JAKMIP3: variants seen among roughly 807,000 people sequenced by gnomAD.
JAKMIP3 encodes the protein janus kinase and microtubule-interacting protein 3.
In JAKMIP3, 58 loss-of-function variants were observed where a neutral mutation model predicts 118.5. The ratio of observed to expected loss-of-function variants is 0.49; its 90% CI spans 0.40 to 0.61. The LOEUF (loss-of-function observed/expected upper bound fraction) is 0.61, where lower values mean the gene tolerates loss of function less well. JAKMIP3 is among the 20% of genes least tolerant of loss of function. JAKMIP3 has a pLI of 0.00. For synonymous variants in JAKMIP3, 486 were observed against 451.2 expected, an observed-to-expected ratio of 1.08 and a Z score of -0.98; for missense variants, 950 against 1,109.0, an observed-to-expected ratio of 0.86 and a Z score of 2.04.
intron 22 of JAKMIP3, 48 bp downstream of exon 22, chr10:132,167,103 C>T (rs757930869): frequency 1.3e-5 from 17 of 1,297,758 alleles, no homozygotes; most frequent in South Asian, 2.6e-5. Flanking sequence ...CTCTGCTTCC[C>T]GGAAGACTCC....
At chr10:132,116,460 A>AGT (rs1244297143) in intron 2 of JAKMIP3, among the ~76,000 whole-genome samples, 2 of 122,802 alleles carry the variant, frequency 1.6e-5, no homozygotes, top group Non-Finnish European at 3.3e-5. Flanking sequence ...TGCACATTCA[A>AGT]GTGTGTGTGT....
chr10:132,172,987 CTCTCTCTCCT>C, intron 23 of JAKMIP3, among the ~76,000 whole-genome samples: 1 of 81,740 alleles, frequency 1.2e-5, no homozygotes, highest in Non-Finnish European at 2.7e-5. Context: ...TTCCCTCTCT[CTCTCTCTCCT>C]TCCCTCTCTC....
Position 132,179,477 on chromosome 10 carries a change from C to A in JAKMIP3, c.*1104-2880C>A, listed in dbSNP as rs146190433. 6.6e-6 allele frequency among the ~76,000 whole-genome samples: 1 copy of A among 152,156 alleles called. No individual in the cohort carries two copies. The highest frequency in any genetic ancestry group is 1.5e-5 in the Non-Finnish European group (1 of 68,038). ...ATGAGGATTATCTGGGTTTCTCCCG[C>A]GGAACCCTTACTGTGGCACTGATAC... is the stretch of plus-strand genomic sequence containing the variant. On this transcript the variant is annotated intron_variant, in intron 23 of 23. Coordinates refer to ENST00000684848, the MANE Select transcript of JAKMIP3 (RefSeq NM_001323087.2). The surrounding 1 kb of genome is among the most constrained non-coding windows in gnomAD (Gnocchi z 4.3).
intron 13 of JAKMIP3, among the ~76,000 whole-genome samples, chr10:132,146,272 G>A (rs937898731): frequency 6.6e-6 from 1 of 152,086 alleles, no homozygotes; most frequent in South Asian, 2.1e-4. Flanking sequence ...AGGGAAGGGA[G>A]TGCAGGTTTC....
Position 132,142,155 on chromosome 10 carries a change from C to T in JAKMIP3, c.1602+107C>T, listed in dbSNP as rs949123831. ...TCACTAGCCCTCCTGGGCCCGGGCC[C>T]CTCCTCTCCTGCCCTTGCCTGCAGT... On this transcript the variant is annotated intron_variant, in intron 11 of 23. Coordinates refer to ENST00000684848, the MANE Select transcript of JAKMIP3 (RefSeq NM_001323087.2). The T allele has an allele frequency of 8.9e-6, 11 of 1,230,932 alleles. No homozygotes were observed. The Admixed American group carries it at 2.1e-4, about 24-fold the overall frequency. The allele number at this position is 1,230,932 out of a possible 1,614,324, so 76.3% of individuals were successfully genotyped here. A position where few individuals can be genotyped will look rare whatever the true frequency, so the allele number is the denominator to read the frequency against.
Position 132,044,638 on chromosome 10 carries a change from CACATGCTGCGCT to C in JAKMIP3, c.-138+7901_-138+7912del, listed in dbSNP as rs1180700683. On this transcript the variant is annotated intron_variant, in intron 1 of 23. Coordinates refer to the JAKMIP3 transcript ENST00000657785. This position sits in a 1 kb window ranked among gnomAD's most constrained non-coding sequence, Gnocchi z 5.3. ...CTTCCTCAGGGCAGCAGGACGCCACCACATGCTGCGCTCAGGATGGAGGTTTTGTTTTAAATT... is the reference window on the plus strand; with the variant it reads ...CTTCCTCAGGGCAGCAGGACGCCACCCAGGATGGAGGTTTTGTTTTAAATT... 8.5e-5 allele frequency among the ~76,000 whole-genome samples: 13 copies of C among 152,224 alleles called. No individual in the cohort carries two copies. Among genetic ancestry groups the C allele is most frequent in the Admixed American group, 6.5e-4 (10 of 15,294 alleles).
intron 1 of JAKMIP3, among the ~76,000 whole-genome samples, chr10:132,069,974 C>A (rs1053837135): frequency 9.9e-5 from 15 of 152,150 alleles, no homozygotes; most frequent in Non-Finnish European, 2.2e-4. Context: ...TGCAGCCTAC[C>A]CTGTACCTTA....
At chr10:132,076,765 A>G (rs1233346060) in intron 1 of JAKMIP3, among the ~76,000 whole-genome samples, 2 of 113,990 alleles carry the variant, frequency 1.8e-5, no homozygotes. Context: ...GACTGGCCTG[A>G]GGTGGCCCCG....
chr10:132,129,539 G>C (rs1463278812), intron 3 of JAKMIP3, among the ~76,000 whole-genome samples: 1 of 152,186 alleles, frequency 6.6e-6, no homozygotes, highest in Non-Finnish European at 1.5e-5. Flanking sequence ...TCTGATCTTA[G>C]TGTCCTGCAA....
At chr10:132,040,773 G>T (rs527261362) in intron 1 of JAKMIP3, among the ~76,000 whole-genome samples, 1 of 151,854 alleles carries the variant, frequency 6.6e-6, no homozygotes. Flanking sequence ...CAGGTTCAGC[G>T]CAGAATAGCA....
At chr10:132,150,133 C>T (rs907232706) in intron 16 of JAKMIP3, 92 bp downstream of exon 16, 48 of 1,024,314 alleles carry the variant, frequency 4.7e-5, no homozygotes, top group Non-Finnish European at 6.2e-5. Context: ...CAGCCTCCCA[C>T]AGCCCTGCCA....
intron 1 of JAKMIP3, among the ~76,000 whole-genome samples, chr10:132,080,217 A>G (rs2041543656): frequency 1.3e-5 from 2 of 152,202 alleles, no homozygotes; most frequent in African/African-American, 4.8e-5. Flanking sequence ...TGTTTTCCAC[A>G]GTGGCTGCAC....
intron 3 of JAKMIP3, among the ~76,000 whole-genome samples, chr10:132,119,564 C>CAG (rs2048228662): frequency 6.6e-6 from 1 of 152,188 alleles, no homozygotes; most frequent in Admixed American, 6.5e-5. Context: ...GTCTCATTGT[C>CAG]AGTCCCTCCT....
At chr10:132,163,474 G>T (rs571732785) in intron 20 of JAKMIP3, 62 bp downstream of exon 20, 289 of 1,465,594 alleles carry the variant, frequency 2.0e-4, no homozygotes, top group Admixed American at 2.8e-4. Flanking sequence ...ACAGAGCCAG[G>T]GGGGGTCCTC....
intron 4 of JAKMIP3, among the ~76,000 whole-genome samples, chr10:132,133,901 G>A (rs143588181): frequency 1.4e-3 from 220 of 152,344 alleles, no homozygotes; most frequent in Middle Eastern, 0.014. Context: ...CCAAGCACAC[G>A]GCCTCTGCCT....
chr10:132,156,586 T>A (rs1476098738), intron 19 of JAKMIP3, among the ~76,000 whole-genome samples: 1 of 152,114 alleles, frequency 6.6e-6, no homozygotes, highest in African/African-American at 2.4e-5. Context: ...AAGCCTCAGT[T>A]TGGTACCTCG....
At chr10:132,038,680 T>A (rs1404441969) in intron 1 of JAKMIP3, among the ~76,000 whole-genome samples, 1 of 150,278 alleles carries the variant, frequency 6.7e-6, no homozygotes, top group Non-Finnish European at 1.5e-5. Context: ...TAATCCCAGC[T>A]CCTCGGGATG....
rs200036610 is a variant in JAKMIP3 at position 132,180,556 on chromosome 10, T to C, written c.*1104-1801T>C. On this transcript the variant is annotated intron_variant, in intron 23 of 23. Coordinates refer to ENST00000684848, the MANE Select transcript of JAKMIP3 (RefSeq NM_001323087.2). ...GTGTGTGTGTGTGTGCGTGCGTGCA[T>C]GCGTGTGTGTGCGTGTGTGTGTGCG... 4.7e-3 allele frequency among the ~76,000 whole-genome samples: 19 copies of C among 4,014 alleles called. 3 individuals carry two copies. The highest frequency in any genetic ancestry group is 0.019 in the East Asian group (2 of 104). 2.6% of individuals were successfully genotyped at this position (4,014 alleles called of 152,430 possible). A position where few individuals can be genotyped will look rare whatever the true frequency, so the allele number is the denominator to read the frequency against.
At chr10:132,099,871 C>T (rs949907748) in intron 1 of JAKMIP3, among the ~76,000 whole-genome samples, 61 of 96,800 alleles carry the variant, frequency 6.3e-4, no homozygotes, top group African/African-American at 1.9e-3. Context: ...CTGCAGCTCC[C>T]GTGCTCACCC....
Sources: gnomAD v4.1 joint callset for allele counts (sites outside exome capture counted in the v4.1 genomes callset) on GRCh38, gnomAD v4.1.1 for gene constraint, Gnocchi (gnomAD v3.1) non-coding constraint, MANE v1.5 for transcripts, NCBI Gene and HGNC (gene_info 2026-07-23, HGNC 2026-07-21) for gene names.